SIN3A: variants seen among roughly 807,000 people sequenced by gnomAD.
SIN3A encodes the protein paired amphipathic helix protein Sin3a.
A neutral mutation model predicts 146.1 loss-of-function variants in SIN3A; 14 were observed. The observed-to-expected ratio is 0.10, with a 90% CI of 0.06 to 0.15. The LOEUF is 0.15. Among genes scored for constraint, SIN3A ranks in the 10% least tolerant of loss-of-function variants. SIN3A has a pLI of 1.00. For synonymous variants in SIN3A, 572 were observed against 572.0 expected (o/e 1.00, Z 0.00); for missense variants, 1,028 against 1,576.0 (o/e 0.65, Z 5.89).
chr15:75,413,047 T>A lies in SIN3A; in HGVS notation c.474-2A>T. 2 of 1,587,906 alleles carry A rather than the reference T, an allele frequency of 1.3e-6. No homozygotes were observed. The highest frequency in any genetic ancestry group is 1.9e-5 in the Admixed American group (1 of 52,110). ...CTAATCACTCCTGGGGTGTCGATGCTGATAAAAAACAAAAAGAAAAGTGAT... is the reference window on the plus strand; with the variant it reads ...CTAATCACTCCTGGGGTGTCGATGCAGATAAAAAACAAAAAGAAAAGTGAT... On this transcript the variant is annotated splice_acceptor_variant, in intron 4 of 20. Transcript: ENST00000394947. LOFTEE classifies it high-confidence loss of function.
Position 75,380,660 on chromosome 15 carries a change from G to A in SIN3A, c.3352C>T (p.His1118Tyr). The change falls in exon 19 of 21, where the codon CAT becomes TAT. Residue 1118 changes from histidine (H) to tyrosine (Y), a missense_variant. His to Tyr is a moderately conservative substitution (Grantham distance 83, BLOSUM62 2). Around this residue, in one of 9 missense-constraint regions of SIN3A, gnomAD observed 488 missense variants for 690.2 expected, o/e 0.71. Transcript: ENST00000394947. Reference sequence around the variant, plus strand: ...AGAAATACTGGTTTCTGTGCTAGATGTTCACGAAGCTCAGGCGAGGTAGTA... The same window carrying A: ...AGAAATACTGGTTTCTGTGCTAGATATTCACGAAGCTCAGGCGAGGTAGTA... Reference protein sequence around the residue: ...SDTTSPELREHLAQKPVFLPR... With the variant: ...SDTTSPELREYLAQKPVFLPR... 5.0e-6 allele frequency: 8 copies of A among 1,614,056 alleles called. No individual in the cohort carries two copies. The highest frequency in any genetic ancestry group is 6.8e-6 in the Non-Finnish European group (8 of 1,179,942).
At chr15:75,421,839 G>C (rs538994755) in intron 3 of SIN3A, 1 of 152,292 alleles carries the variant, frequency 6.6e-6, no homozygotes, top group South Asian at 2.1e-4. Flanking sequence ...AGAGATACAA[G>C]GTTAGCTGGG....
chr15:75,402,094 A>G (rs922797706), intron 9 of SIN3A, 124 bp from the exon 10 acceptor site: 1 of 645,690 alleles, frequency 1.5e-6, no homozygotes, highest in African/African-American at 1.8e-5. Flanking sequence ...GCAGCCTCCC[A>G]TCCTCAGCCT....
chr15:75,382,944 G>T (rs985016575), intron 17 of SIN3A, among the ~76,000 whole-genome samples: 2 of 151,998 alleles, frequency 1.3e-5, no homozygotes, highest in African/African-American at 2.4e-5. Context: ...CACACAAGCT[G>T]GCCATGGTGG....
intron 1 of SIN3A, among the ~76,000 whole-genome samples, chr15:75,446,923 G>T (rs1038846849): frequency 6.6e-6 from 1 of 152,100 alleles, no homozygotes; most frequent in Non-Finnish European, 1.5e-5. Context: ...AGGTGCGTGT[G>T]CCACCATGCC....
At chr15:75,410,012 A>T in intron 7 of SIN3A, 21 bp from the exon 8 acceptor site, 1 of 1,612,832 alleles carries the variant, frequency 6.2e-7, no homozygotes, top group Non-Finnish European at 8.5e-7. Flanking sequence ...CACATGAATG[A>T]GATTAATGCT....
chr15:75,378,203 A>G (rs2072900529), intron 19 of SIN3A, among the ~76,000 whole-genome samples: 1 of 152,256 alleles, frequency 6.6e-6, no homozygotes, highest in South Asian at 2.1e-4. Context: ...AAAATAAATC[A>G]ATGGATTTTT....
chr15:75,373,500 C>T (rs1246069043), intron 20 of SIN3A, among the ~76,000 whole-genome samples: 2 of 152,094 alleles, frequency 1.3e-5, no homozygotes, highest in Non-Finnish European at 2.9e-5. Flanking sequence ...GCCTACTCAA[C>T]AAGATGAGAA....
intron 9 of SIN3A, among the ~76,000 whole-genome samples, chr15:75,404,283 T>C (rs867408878): frequency 1.3e-5 from 2 of 152,360 alleles, no homozygotes; most frequent in African/African-American, 2.4e-5. Context: ...TACTTTTTAT[T>C]AGCTTTTAAA....
At chr15:75,386,807 A>T (rs2073092320) in intron 16 of SIN3A, among the ~76,000 whole-genome samples, 1 of 152,060 alleles carries the variant, frequency 6.6e-6, no homozygotes, top group African/African-American at 2.4e-5. Flanking sequence ...AATCCCTCTT[A>T]AGCCAGCCTA....
chr15:75,380,541 T>G (rs2072944857), intron 19 of SIN3A, 88 bp downstream of exon 19: 3 of 985,992 alleles, frequency 3.0e-6, no homozygotes, highest in Non-Finnish European at 4.8e-6. Context: ...ATAAAATATG[T>G]GAAGGCCAAG....
intron 2 of SIN3A, among the ~76,000 whole-genome samples, chr15:75,428,151 G>A (rs2073959139): frequency 1.3e-5 from 2 of 152,238 alleles, no homozygotes; most frequent in East Asian, 1.9e-4. Flanking sequence ...CAATGCTTGG[G>A]GGAACTTGCT....
intron 1 of SIN3A, among the ~76,000 whole-genome samples, chr15:75,437,469 A>T (rs1422013180): frequency 6.6e-6 from 1 of 152,038 alleles, no homozygotes; most frequent in Non-Finnish European, 1.5e-5. Flanking sequence ...GCCCAGCCAG[A>T]CCCCTCTTTT....
At chr15:75,413,491 A>C (rs2073680768) in intron 4 of SIN3A, among the ~76,000 whole-genome samples, 2 of 151,466 alleles carry the variant, frequency 1.3e-5, no homozygotes, top group South Asian at 2.1e-4. Flanking sequence ...TAACACACGA[A>C]CTCTGAAATT....
chr15:75,411,418 A>C, intron 6 of SIN3A, 74 bp downstream of exon 6: 2 of 1,421,488 alleles, frequency 1.4e-6, no homozygotes, highest in Non-Finnish European at 1.9e-6. Context: ...GGACACAATA[A>C]TGGTTACTTG....
chr15:75,430,428 T>G lies in SIN3A; in HGVS notation c.-33-20A>C. 6.5e-7 allele frequency: 1 copy of G among 1,538,104 alleles called. No individual in the cohort carries two copies. The highest frequency in any genetic ancestry group is 8.8e-7 in the Non-Finnish European group (1 of 1,142,198). ...CAAAACCTGCAGAAACCAAAAGCAA[T>G]AGCATGCAAGTCAATTCTCACTCCA... On this transcript the variant is annotated intron_variant, in intron 1 of 20. Coordinates refer to ENST00000394947, the MANE Select transcript of SIN3A (RefSeq NM_001145358.2).
At chr15:75,454,106 G>C (rs2074452072), upstream of SIN3A, among the ~76,000 whole-genome samples, 1 of 152,146 alleles carries the variant, frequency 6.6e-6, no homozygotes, top group Admixed American at 6.5e-5. Context: ...AATCAGAGGC[G>C]GGGGCGGGAC....
chr15:75,435,244 A>G (rs766832889), intron 1 of SIN3A, among the ~76,000 whole-genome samples: 2 of 152,134 alleles, frequency 1.3e-5, no homozygotes, highest in Non-Finnish European at 2.9e-5. Flanking sequence ...TGTATCCTAC[A>G]CATCTGCTGA....
chr15:75,411,893 G>A, intron 5 of SIN3A, 150 bp from the exon 6 acceptor site: 1 of 701,910 alleles, frequency 1.4e-6, no homozygotes, highest in Admixed American at 3.2e-5. Flanking sequence ...ATCATACTGG[G>A]CAGCAGTGGG....
Sources: gnomAD v4.1 joint callset for allele counts (sites outside exome capture counted in the v4.1 genomes callset) on GRCh38, gnomAD v4.1.1 for gene constraint, gnomAD v4.1.1 regional missense constraint, MANE v1.5 for transcripts, NCBI Gene and HGNC (gene_info 2026-07-23, HGNC 2026-07-21) for gene names.